Variants in RFX4 observed in about 807,000 individuals in gnomAD.
RFX4 encodes the protein transcription factor RFX4.
Under a neutral mutation model 95.0 loss-of-function variants are expected in RFX4, and 10 were observed. The ratio of observed to expected loss-of-function variants is 0.11; its 90% CI spans 0.06 to 0.18. The LOEUF (loss-of-function observed/expected upper bound fraction) is 0.18, where lower values mean the gene tolerates loss of function less well. Among genes scored for constraint, RFX4 ranks in the 10% least tolerant of loss-of-function variants. The probability of loss-of-function intolerance (pLI) is 1.00; values close to 1 mark genes in which losing one functional copy is unlikely to be tolerated. For missense variants in RFX4, 640 were observed against 922.0 expected (o/e 0.69, Z 3.96); for synonymous variants, 321 against 340.7 (o/e 0.94, Z 0.64).
intron 4 of RFX4, among the ~76,000 whole-genome samples, chr12:106,670,957 G>T (rs1040973147): frequency 3.0e-4 from 46 of 151,878 alleles, no homozygotes; most frequent in Non-Finnish European, 6.3e-4. Flanking sequence ...TCAAAGCATT[G>T]TTTCTTATGT....
intron 4 of RFX4, among the ~76,000 whole-genome samples, chr12:106,665,791 AC>A (rs1771574757): frequency 1.3e-5 from 2 of 148,566 alleles, no homozygotes; most frequent in South Asian, 4.4e-4. Flanking sequence ...GAAAATCATA[AC>A]TTTTGTGCCC....
intron 17 of RFX4, among the ~76,000 whole-genome samples, chr12:106,757,304 C>T (rs1299035794): frequency 6.6e-6 from 1 of 152,104 alleles, no homozygotes; most frequent in African/African-American, 2.4e-5. Flanking sequence ...AGGCTGGAAG[C>T]CCAGGAGTTC....
chr12:106,583,753 A>G (rs926148152), intron 1 of RFX4: 1 of 162,208 alleles, frequency 6.2e-6, no homozygotes, highest in Non-Finnish European at 1.3e-5. Context: ...GCCTCGGAAT[A>G]GCGGTGCGCT....
chr12:106,605,845 C>T (rs951403413), intron 1 of RFX4, among the ~76,000 whole-genome samples: 1 of 152,190 alleles, frequency 6.6e-6, no homozygotes, highest in African/African-American at 2.4e-5. Flanking sequence ...TGGCTACAGG[C>T]ATAGACTGTG....
chr12:106,689,199 G>C (rs577054620), intron 6 of RFX4, 88 bp from the exon 7 acceptor site: 83 of 1,118,708 alleles, frequency 7.4e-5, no homozygotes, highest in Non-Finnish European at 1.0e-4. Context: ...CCACAGGGAA[G>C]AAATGACTTA....
intron 17 of RFX4, among the ~76,000 whole-genome samples, chr12:106,758,583 C>A (rs1456438232): frequency 6.6e-6 from 1 of 152,144 alleles, no homozygotes; most frequent in Non-Finnish European, 1.5e-5. Flanking sequence ...TGAGCCAAGG[C>A]AAGGGGGACT....
intron 15 of RFX4, among the ~76,000 whole-genome samples, chr12:106,742,849 T>C (rs1008420356): frequency 3.3e-5 from 5 of 152,250 alleles, no homozygotes; most frequent in African/African-American, 1.2e-4. Context: ...TTGTCAAGAC[T>C]GAATGGGTCA....
intron 1 of RFX4, chr12:106,601,208 C>T (rs2039699017): frequency 5.2e-6 from 8 of 1,542,306 alleles, no homozygotes; most frequent in Non-Finnish European, 7.0e-6. Context: ...TGGGCTTCTC[C>T]AAACTCCTGT....
chr12:106,733,073 C>G lies in RFX4; in HGVS notation c.1621C>G (p.Leu541Val). 1 of 1,614,146 alleles carries G rather than the reference C, an allele frequency of 6.2e-7. No homozygotes were observed. The highest frequency in any genetic ancestry group is 1.1e-5 in the South Asian group (1 of 91,076). The change falls in exon 15 of 18, where the codon CTC becomes GTC. Residue 541 changes from leucine (L) to valine (V), a missense_variant. By Grantham distance (32) the Leu-to-Val change is conservative. Transcript: ENST00000392842. ...VSNPSPEYTGLSTTGAMQSYT... is the reference protein window; with the variant it reads ...VSNPSPEYTGVSTTGAMQSYT... Reference sequence around the variant, plus strand: ...CAATCCTTCCCCTGAGTACACTGGCCTCAGCACTACAGGTAATGGAAAGTC... The same window carrying G: ...CAATCCTTCCCCTGAGTACACTGGCGTCAGCACTACAGGTAATGGAAAGTC...
At chr12:106,700,555 A>T (rs9971652) in intron 8 of RFX4, among the ~76,000 whole-genome samples, 2 of 150,088 alleles carry the variant, frequency 1.3e-5, no homozygotes, top group Non-Finnish European at 3.0e-5. Flanking sequence ...TACAGGCGCC[A>T]GCTACCACGC....
At chr12:106,625,167 A>T (rs75256353) in intron 2 of RFX4, among the ~76,000 whole-genome samples, 1,770 of 152,302 alleles carry the variant, frequency 0.012, 8 homozygotes, top group Non-Finnish European at 0.017. Context: ...TTTGCCAGAG[A>T]TCACACTCCT....
chr12:106,663,245 G>C (rs2041110803), intron 4 of RFX4, among the ~76,000 whole-genome samples: 1 of 151,980 alleles, frequency 6.6e-6, no homozygotes, highest in South Asian at 2.1e-4. Flanking sequence ...TCAGAATTTT[G>C]TGGTTTTCCT....
chr12:106,679,987 T>G (rs1450781909), intron 4 of RFX4, among the ~76,000 whole-genome samples: 1 of 152,236 alleles, frequency 6.6e-6, no homozygotes, highest in Non-Finnish European at 1.5e-5. Context: ...GTGAAAAGCT[T>G]GGATCTTCAG....
intron 8 of RFX4, among the ~76,000 whole-genome samples, chr12:106,697,457 T>C (rs2041903155): frequency 3.3e-5 from 5 of 151,946 alleles, no homozygotes; most frequent in Admixed American, 2.0e-4. Context: ...TTTTTTTTTT[T>C]TTAACATGGT....
At chr12:106,725,869 T>C (rs2042485280) in intron 13 of RFX4, among the ~76,000 whole-genome samples, 1 of 152,178 alleles carries the variant, frequency 6.6e-6, no homozygotes, top group Non-Finnish European at 1.5e-5. Flanking sequence ...AATGTTTTTA[T>C]AGGCAAGTTT....
At chr12:106,629,142 A>G (rs1450859283) in intron 2 of RFX4, among the ~76,000 whole-genome samples, 1 of 152,224 alleles carries the variant, frequency 6.6e-6, no homozygotes, top group Non-Finnish European at 1.5e-5. Flanking sequence ...AATAAAAACC[A>G]GAATGTTCCA....
In RFX4 at chr12:106,761,190, CA is replaced by C. The variant is rs1397261106; in HGVS notation, c.1936-5del. 14 of 1,606,384 alleles carry C rather than the reference CA, an allele frequency of 8.7e-6. No homozygotes were observed. The highest frequency in any genetic ancestry group is 1.2e-5 in the Non-Finnish European group (14 of 1,173,870). ...TAACTTTGTGGAATTTCTTTCCCCTCAACAAGTACCCTTTTAATAGCCCCAC... is the reference window on the plus strand; with the variant it reads ...TAACTTTGTGGAATTTCTTTCCCCTCACAAGTACCCTTTTAATAGCCCCAC... On this transcript the variant is annotated splice_region_variant and splice_polypyrimidine_tract_variant and intron_variant, in intron 17 of 17. Transcript: ENST00000392842.
In RFX4 at chr12:106,736,646, T is replaced by C. The variant is rs1566000478; in HGVS notation, c.1633+3561T>C. Among the ~76,000 whole-genome samples, 6 of 152,082 alleles carry C rather than the reference T, an allele frequency of 3.9e-5. No individual in the cohort carries two copies. The South Asian group carries it at 1.2e-3, about 32-fold the overall frequency. On this transcript the variant is annotated intron_variant, in intron 15 of 17. Coordinates refer to ENST00000392842, the MANE Select transcript of RFX4 (RefSeq NM_213594.3). ...GCAAGACAGGCTGGGAAATGTAGAA[T>C]AGCATGTACCCAGGCAGGGAAAGGG...
chr12:106,688,798 T>C (rs1008514587), intron 6 of RFX4, among the ~76,000 whole-genome samples: 4 of 152,122 alleles, frequency 2.6e-5, no homozygotes, highest in Non-Finnish European at 5.9e-5. Context: ...CTAAGCACAT[T>C]GCAGAGAATT....
Sources: gnomAD v4.1 joint callset for allele counts (sites outside exome capture counted in the v4.1 genomes callset) on GRCh38, gnomAD v4.1.1 for gene constraint, MANE v1.5 for transcripts, NCBI Gene and HGNC (gene_info 2026-07-23, HGNC 2026-07-21) for gene names.